The following CCDC60 variants were observed in gnomAD, a reference collection of about 807,000 sequenced individuals.
CCDC60 encodes the protein coiled-coil domain containing 60.
In CCDC60, 54 loss-of-function variants were observed where a neutral mutation model predicts 63.5. That is an observed-to-expected ratio of 0.85 (90% CI 0.68 to 1.07). The LOEUF (loss-of-function observed/expected upper bound fraction) is 1.07. Ranked by LOEUF, CCDC60 falls within the 50% of genes least tolerant of loss-of-function variation. The probability of loss-of-function intolerance (pLI) is 0.00; values close to 1 mark genes in which losing one functional copy is unlikely to be tolerated. For missense variants in CCDC60, 651 were observed against 684.3 expected (o/e 0.95, Z 0.54); for synonymous variants, 206 against 238.8 (o/e 0.86, Z 1.27).
At chr12:119,489,500 C>A (rs1267174615) in intron 5 of CCDC60, among the ~76,000 whole-genome samples, 1 of 152,048 alleles carries the variant, frequency 6.6e-6, no homozygotes, top group African/African-American at 2.4e-5. Context: ...GTTAGGTGTC[C>A]GCACCAGAGG....
intron 1 of CCDC60, among the ~76,000 whole-genome samples, chr12:119,373,668 G>C (rs1320615302): frequency 8.3e-5 from 3 of 36,314 alleles, no homozygotes; most frequent in African/African-American, 2.6e-4. Context: ...GGGGTGGGGT[G>C]GGGGGGGGTC....
chr12:119,482,686 G>A (rs532097502), intron 4 of CCDC60, among the ~76,000 whole-genome samples: 69 of 152,186 alleles, frequency 4.5e-4, no homozygotes, highest in African/African-American at 9.2e-4. Context: ...AGATCACCTC[G>A]ACATGGAGTG....
chr12:119,392,952 T>G (rs118121601), intron 1 of CCDC60, among the ~76,000 whole-genome samples: 14 of 152,182 alleles, frequency 9.2e-5, no homozygotes, highest in South Asian at 4.2e-4. Context: ...ACAAGGAGTT[T>G]GAGACCACCC....
intron 1 of CCDC60, among the ~76,000 whole-genome samples, chr12:119,427,259 T>C (rs1451322791): frequency 6.6e-6 from 1 of 152,220 alleles, no homozygotes; most frequent in Non-Finnish European, 1.5e-5. Context: ...ATTTCATATC[T>C]TTGATATGTG....
At chr12:119,368,031 T>C (rs1464348843) in intron 1 of CCDC60, among the ~76,000 whole-genome samples, 1 of 149,072 alleles carries the variant, frequency 6.7e-6, no homozygotes, top group East Asian at 2.0e-4. Context: ...GTGTGAATTA[T>C]ATGTCAATAA....
At chr12:119,529,281 T>TC (rs1260553791) in intron 12 of CCDC60, among the ~76,000 whole-genome samples, 1 of 151,792 alleles carries the variant, frequency 6.6e-6, no homozygotes, top group Admixed American at 6.6e-5. Context: ...GTCCATTTTA[T>TC]CCCCCCCAAC....
At chr12:119,367,316 A>G (rs887985073) in intron 1 of CCDC60, among the ~76,000 whole-genome samples, 2 of 152,232 alleles carry the variant, frequency 1.3e-5, no homozygotes, top group Admixed American at 6.5e-5. Flanking sequence ...CTATAGTCCT[A>G]CCCTCTGAAG....
intron 2 of CCDC60, among the ~76,000 whole-genome samples, chr12:119,463,504 A>C (rs1341168553): frequency 6.6e-6 from 1 of 152,220 alleles, no homozygotes; most frequent in Non-Finnish European, 1.5e-5. Flanking sequence ...CTTCAAATGG[A>C]AGTGATAATA....
intron 1 of CCDC60, among the ~76,000 whole-genome samples, chr12:119,363,834 G>C (rs1032959476): frequency 6.6e-6 from 1 of 152,198 alleles, no homozygotes; most frequent in African/African-American, 2.4e-5. Flanking sequence ...ATTGGAGACA[G>C]AATTGTAGGT....
rs784847 is a variant in CCDC60 at position 119,541,015 on chromosome 12, G to A, written c.*300G>A. 0.31 allele frequency: 84,844 copies of A among 272,606 alleles called. 13,760 individuals carry two copies. Among genetic ancestry groups the A allele is most frequent in the African/African-American group, 0.44 (19,714 of 45,134 alleles). 16.9% of individuals were successfully genotyped at this position (272,606 alleles called of 1,614,324 possible). A position where few individuals can be genotyped will look rare whatever the true frequency, so the allele number is the denominator to read the frequency against. On this transcript the variant is annotated 3_prime_UTR_variant, in exon 14 of 14. Transcript: ENST00000327554. The stretch of plus-strand genomic sequence containing the variant: ...CCTTCACCCTATTTACCTTCCTCAA[G>A]TACTGGAGAATAAAATTGAACTGAA...
chr12:119,360,384 G>A (rs373718554), intron 1 of CCDC60, among the ~76,000 whole-genome samples: 1 of 87,568 alleles, frequency 1.1e-5, no homozygotes, highest in Non-Finnish European at 2.1e-5. Flanking sequence ...CTGGCCGGGC[G>A]GGGGGCTGAC....
chr12:119,511,022 C>T (rs1001527364), intron 7 of CCDC60, among the ~76,000 whole-genome samples: 1 of 152,100 alleles, frequency 6.6e-6, no homozygotes, highest in South Asian at 2.1e-4. Flanking sequence ...ATGTGAGCTC[C>T]CCACAAGTGT....
rs139649513 is a variant in CCDC60, at chr12:119,421,239, G to A, written c.91-7444G>A. Reference sequence around the variant, plus strand: ...CAGATATTTAGAAAATTGGCTTTCCGGCCATGACCTCCAACAAATCATTCT... The same window carrying A: ...CAGATATTTAGAAAATTGGCTTTCCAGCCATGACCTCCAACAAATCATTCT... On this transcript the variant is annotated intron_variant, in intron 1 of 13. Coordinates refer to ENST00000327554, the MANE Select transcript of CCDC60 (RefSeq NM_178499.5). Among the ~76,000 whole-genome samples, 17 of 152,170 alleles carry A rather than the reference G, an allele frequency of 1.1e-4. No individual in the cohort carries two copies. In the East Asian group the frequency reaches 1.3e-3, roughly 12 times the overall value.
At chr12:119,340,808 G>A (rs938287164) in intron 1 of CCDC60, among the ~76,000 whole-genome samples, 6 of 152,116 alleles carry the variant, frequency 3.9e-5, no homozygotes, top group Admixed American at 2.6e-4. Context: ...TAAAGGTGAC[G>A]TCAGCGCTCA....
chr12:119,488,418 C>T (rs1320862962), intron 4 of CCDC60, among the ~76,000 whole-genome samples: 2 of 152,122 alleles, frequency 1.3e-5, no homozygotes, highest in African/African-American at 4.8e-5. Context: ...TGGGGGACCC[C>T]TTCTTGTTTC....
At chr12:119,487,015 G>T (rs921804283) in intron 4 of CCDC60, among the ~76,000 whole-genome samples, 7 of 152,092 alleles carry the variant, frequency 4.6e-5, no homozygotes, top group African/African-American at 1.7e-4. Context: ...GGGGAGGGGG[G>T]TGGCTGGCCA....
intron 7 of CCDC60, among the ~76,000 whole-genome samples, chr12:119,507,589 TACATATATATATATATATATA>T (rs1566050561): frequency 1.9e-3 from 79 of 41,722 alleles, no homozygotes; most frequent in East Asian, 5.6e-3. Context: ...CACATATATA[TACATATATATATATATATATA>T]TATATTTTTT....
At chr12:119,427,879 A>C (rs946083207) in intron 1 of CCDC60, among the ~76,000 whole-genome samples, 3 of 152,178 alleles carry the variant, frequency 2.0e-5, no homozygotes, top group Admixed American at 1.3e-4. Context: ...CTGTAATCCT[A>C]ACCTTACTTG....
At chr12:119,362,370 T>C (rs973499815) in intron 1 of CCDC60, among the ~76,000 whole-genome samples, 1 of 152,188 alleles carries the variant, frequency 6.6e-6, no homozygotes, top group East Asian at 1.9e-4. Flanking sequence ...GAAGATTCTC[T>C]CATCTCTTCC....
Sources: gnomAD v4.1 joint callset for allele counts (sites outside exome capture counted in the v4.1 genomes callset) on GRCh38, gnomAD v4.1.1 for gene constraint, MANE v1.5 for transcripts, NCBI Gene and HGNC (gene_info 2026-07-23, HGNC 2026-07-21) for gene names.